Variants in CCDC146 observed in about 807,000 individuals in gnomAD.
The protein encoded by CCDC146 is coiled-coil domain-containing protein 146.
In CCDC146, 92 loss-of-function variants were observed where a neutral mutation model predicts 119.3. The ratio of observed to expected loss-of-function variants is 0.77; its 90% confidence interval spans 0.65 to 0.92. The LOEUF (loss-of-function observed/expected upper bound fraction) is 0.92, where lower values mean the gene tolerates loss of function less well. Ranked by LOEUF, CCDC146 falls within the 40% of genes least tolerant of loss-of-function variation. The pLI, the probability that CCDC146 is intolerant of heterozygous loss-of-function variation, is 0.00. For synonymous variants in CCDC146, 372 were observed against 371.8 expected, an observed-to-expected ratio of 1.00 and a Z score of -0.01; for missense variants, 1,000 against 1,103.0, an observed-to-expected ratio of 0.91 and a Z score of 1.32.
chr7:77,256,487 TG>T lies in CCDC146; in HGVS notation c.665del (p.Gly222AspfsTer6). 1 of 1,606,404 alleles carries T rather than the reference TG, an allele frequency of 6.2e-7. No individual in the cohort carries two copies. Among genetic ancestry groups the T allele is most frequent in the Non-Finnish European group, 8.5e-7 (1 of 1,178,090 alleles). On this transcript the variant is annotated frameshift_variant, in exon 6 of 19. Transcript: ENST00000285871. The part of the protein sequence containing the change: ...LKEQKELEEL[L>X]GHQVVLKDEV... ...GAGCAGAAGGAACTAGAAGAATTGTTGGGACATCAGGTCGTCCTAAAGGTGT... is the reference window on the plus strand; with the variant it reads ...GAGCAGAAGGAACTAGAAGAATTGTTGGACATCAGGTCGTCCTAAAGGTGT...
chr7:77,169,196 T>C (rs1791381493), intron 2 of CCDC146, among the ~76,000 whole-genome samples: 1 of 152,072 alleles, frequency 6.6e-6, no homozygotes, highest in Admixed American at 6.6e-5. Flanking sequence ...ATTTTCTTAT[T>C]ATTAGATTCA....
chr7:77,206,857 A>G (rs1792091433), intron 2 of CCDC146, among the ~76,000 whole-genome samples: 1 of 151,984 alleles, frequency 6.6e-6, no homozygotes, highest in Admixed American at 6.6e-5. Context: ...CAATTTATTC[A>G]TAATAATAGT....
chr7:77,234,730 A>G (rs766191937), intron 2 of CCDC146, among the ~76,000 whole-genome samples: 17 of 152,246 alleles, frequency 1.1e-4, no homozygotes, highest in African/African-American at 4.1e-4. Flanking sequence ...GCGACAATCC[A>G]TCTCTGGGGA....
In CCDC146 at chr7:77,292,947, T is replaced by A. The variant is rs1793977829; in HGVS notation, c.2416-5T>A. The A allele has an allele frequency of 6.2e-7, 1 of 1,612,698 alleles. No individual in the cohort carries two copies. Among genetic ancestry groups the A allele is most frequent in the Non-Finnish European group, 8.5e-7 (1 of 1,179,844 alleles). The stretch of plus-strand genomic sequence containing the variant: ...TAGACTAAGCTTTGGGCTCTTTAAT[T>A]CTAGATGAATGGCTATCAAAGAAGG... On this transcript the variant is annotated splice_polypyrimidine_tract_variant and splice_region_variant and intron_variant, in intron 17 of 18. Transcript: ENST00000285871.
chr7:77,245,001 T>C (rs535717622), intron 4 of CCDC146, among the ~76,000 whole-genome samples: 8 of 152,222 alleles, frequency 5.3e-5, no homozygotes, highest in Non-Finnish European at 8.8e-5. Context: ...TTCTGAATCA[T>C]TGGCAACTAC....
At chr7:77,233,273 G>A (rs1002190201) in intron 2 of CCDC146, among the ~76,000 whole-genome samples, 6 of 151,862 alleles carry the variant, frequency 4.0e-5, no homozygotes, top group African/African-American at 1.2e-4. Context: ...TGTATTTTTA[G>A]TAGAGATGGG....
At position 77,196,270 on chromosome 7, in the gene CCDC146, C is replaced by T. The variant is rs1584060854; in HGVS notation, c.156+28446C>T. ...GATAACGAATACCTGGAGGAATGAA[C>T]AGAGTGATTTATGGCTTAAAGTGCT... On this transcript the variant is annotated intron_variant, in intron 2 of 18. Coordinates refer to ENST00000285871, the MANE Select transcript of CCDC146 (RefSeq NM_020879.3). This position sits in a 1 kb window ranked among gnomAD's most constrained non-coding sequence, Gnocchi z 4.2. 1.2e-6 allele frequency: 2 copies of T among 1,600,552 alleles called. No individual in the cohort carries two copies. Among genetic ancestry groups the T allele is most frequent in the Non-Finnish European group, 1.7e-6 (2 of 1,170,282 alleles).
At chr7:77,204,406 T>C (rs1361526397) in intron 2 of CCDC146, among the ~76,000 whole-genome samples, 1 of 152,154 alleles carries the variant, frequency 6.6e-6, no homozygotes, top group Admixed American at 6.6e-5. Flanking sequence ...AGTTGGTAGG[T>C]TCTGTGGTAT....
chr7:77,172,214 A>T (rs2117497161), intron 2 of CCDC146, among the ~76,000 whole-genome samples: 1 of 152,336 alleles, frequency 6.6e-6, no homozygotes, highest in East Asian at 1.9e-4. Flanking sequence ...TGGCATCTGT[A>T]AATTTATTTT....
intron 1 of CCDC146, among the ~76,000 whole-genome samples, chr7:77,137,975 A>T (rs1315923545): frequency 6.6e-6 from 1 of 151,616 alleles, no homozygotes; most frequent in Non-Finnish European, 1.5e-5. Flanking sequence ...GCATTCTCAG[A>T]TCACAGTATT....
intron 1 of CCDC146, among the ~76,000 whole-genome samples, chr7:77,129,617 G>A (rs1023778831): frequency 1.3e-5 from 2 of 151,990 alleles, no homozygotes; most frequent in Non-Finnish European, 2.9e-5. Context: ...TATCCCCCAT[G>A]AATAAGGAGA....
intron 1 of CCDC146, among the ~76,000 whole-genome samples, chr7:77,126,678 C>G (rs1790693377): frequency 6.6e-6 from 1 of 152,060 alleles, no homozygotes; most frequent in South Asian, 2.1e-4. Context: ...GACGGTAGCT[C>G]CTTTCTGCAG....
At chr7:77,287,135 C>T (rs549506722) in intron 16 of CCDC146, 2 of 652,148 alleles carry the variant, frequency 3.1e-6, no homozygotes, top group South Asian at 4.1e-5. Flanking sequence ...TTTCGAGATT[C>T]CAAAGGCACA....
chr7:77,265,623 G>A (rs1055191989), intron 9 of CCDC146, among the ~76,000 whole-genome samples: 2 of 151,980 alleles, frequency 1.3e-5, no homozygotes, highest in East Asian at 1.9e-4. Flanking sequence ...ACCATAGAAG[G>A]GACACATAAA....
chr7:77,245,591 G>A (rs1792934215), intron 4 of CCDC146, among the ~76,000 whole-genome samples: 1 of 152,210 alleles, frequency 6.6e-6, no homozygotes, highest in Non-Finnish European at 1.5e-5. Flanking sequence ...GGGCTGTCCT[G>A]ACGTGACCCT....
At chr7:77,182,722 G>C (rs1354917512) in intron 2 of CCDC146, among the ~76,000 whole-genome samples, 1 of 152,140 alleles carries the variant, frequency 6.6e-6, no homozygotes, top group East Asian at 1.9e-4. Context: ...TTGAGCCTGG[G>C]AGACAGAGGT....
At chr7:77,273,289 T>G (rs1262251320) in intron 9 of CCDC146, among the ~76,000 whole-genome samples, 1 of 152,204 alleles carries the variant, frequency 6.6e-6, no homozygotes, top group Non-Finnish European at 1.5e-5. Context: ...GACACTTGGT[T>G]TATGTTCAAT....
At chr7:77,141,138 C>T (rs1175312833) in intron 1 of CCDC146, among the ~76,000 whole-genome samples, 1 of 152,144 alleles carries the variant, frequency 6.6e-6, no homozygotes, top group Non-Finnish European at 1.5e-5. Context: ...TCTCATTGTT[C>T]AACTCCCACT....
intron 2 of CCDC146, among the ~76,000 whole-genome samples, chr7:77,191,723 A>G (rs1791767499): frequency 6.6e-6 from 1 of 151,934 alleles, no homozygotes; most frequent in South Asian, 2.1e-4. Flanking sequence ...CCTGGCTAAC[A>G]CGGTGAAACC....
Sources: gnomAD v4.1 joint callset for allele counts (sites outside exome capture counted in the v4.1 genomes callset) on GRCh38, gnomAD v4.1.1 for gene constraint, Gnocchi (gnomAD v3.1) non-coding constraint, MANE v1.5 for transcripts, NCBI Gene and HGNC (gene_info 2026-07-23, HGNC 2026-07-21) for gene names.